ALG9: variants seen among roughly 807,000 people sequenced by gnomAD.
The protein encoded by ALG9 is ALG9 alpha-1,2-mannosyltransferase.
Under a neutral mutation model 81.8 loss-of-function variants are expected in ALG9, and 55 were observed. That is an observed-to-expected ratio of 0.67 (90% confidence interval 0.54 to 0.84). The LOEUF (loss-of-function observed/expected upper bound fraction) is 0.84. Ranked by LOEUF, ALG9 falls within the 40% of genes least tolerant of loss-of-function variation. The probability of loss-of-function intolerance (pLI) is 0.00; values close to 1 mark genes in which losing one functional copy is unlikely to be tolerated. For synonymous variants in ALG9, 278 were observed against 274.3 expected, an observed-to-expected ratio of 1.01 and a Z score of -0.13; for missense variants, 629 against 745.0, an observed-to-expected ratio of 0.84 and a Z score of 1.81.
Position 111,837,610 on chromosome 11 carries a change from G to T in ALG9, c.1330C>A (p.His444Asn), listed in dbSNP as rs746575094. Reference sequence around the variant, plus strand: ...TCTGGATACAAATCAAGGGGCCCGTGATATCCTGGAAGGGAGAACAGTTAG... The same window carrying T: ...TCTGGATACAAATCAAGGGGCCCGTTATATCCTGGAAGGGAGAACAGTTAG... ...SRSVALFRGYHGPLDLYPEFY... is the reference protein window; with the variant it reads ...SRSVALFRGYNGPLDLYPEFY... Residue 444 changes from histidine to asparagine, a missense_variant, in exon 12 of 15, where the codon CAC (histidine) becomes AAC (asparagine). His to Asn is a moderately conservative substitution (Grantham distance 68). This residue lies in a region of ALG9 where 264 missense variants were observed against 302.2 expected (regional missense o/e 0.87). Transcript: ENST00000616540. The T allele has an allele frequency of 1.9e-6, 3 of 1,614,012 alleles. No homozygotes were observed. Among genetic ancestry groups the T allele is most frequent in the Non-Finnish European group, 2.5e-6 (3 of 1,179,920 alleles).
intron 6 of ALG9, among the ~76,000 whole-genome samples, chr11:111,854,058 T>C (rs1958264531): frequency 6.6e-6 from 1 of 151,798 alleles, no homozygotes; most frequent in African/African-American, 2.4e-5. Context: ...CACCCTTCCA[T>C]GATTTACTAG....
intron 6 of ALG9, among the ~76,000 whole-genome samples, chr11:111,855,689 T>C (rs782319464): frequency 2.0e-5 from 3 of 152,082 alleles, no homozygotes; most frequent in Non-Finnish European, 4.4e-5. Flanking sequence ...ACTAAGCAGC[T>C]GGGAATATAT....
At chr11:111,841,550 G>C (rs781803104) in intron 9 of ALG9, among the ~76,000 whole-genome samples, 3 of 152,204 alleles carry the variant, frequency 2.0e-5, no homozygotes, top group Non-Finnish European at 2.9e-5. Context: ...TGAGAAATGA[G>C]AGATAAGCCT....
chr11:111,841,578 C>G (rs1379074305), intron 9 of ALG9, among the ~76,000 whole-genome samples: 1 of 152,240 alleles, frequency 6.6e-6, no homozygotes, highest in African/African-American at 2.4e-5. Flanking sequence ...ACAGTGAAGG[C>G]ATCTCCTACT....
intron 8 of ALG9, among the ~76,000 whole-genome samples, chr11:111,852,319 CAA>C (rs782786098): frequency 1.3e-5 from 2 of 152,138 alleles, no homozygotes; most frequent in African/African-American, 4.8e-5. Flanking sequence ...TGATTTGATC[CAA>C]AAGATCTCTA....
chr11:111,789,997 C>G (rs769569803), intron 14 of ALG9, among the ~76,000 whole-genome samples: 3 of 151,480 alleles, frequency 2.0e-5, no homozygotes, highest in Non-Finnish European at 2.9e-5. Context: ...ATTTCCTGAT[C>G]ACTAGGTGTG....
rs138113139 is a variant in ALG9, at chr11:111,792,190, C to T, written c.1734-5670G>A. On this transcript the variant is annotated intron_variant, in intron 14 of 14. Coordinates refer to ENST00000616540, the MANE Select transcript of ALG9 (RefSeq NM_024740.2). ...CAGTGCACCTGTGTGTTTCTTCATTCTACAATTCACAATTTGTATTATTTA... is the reference window on the plus strand; with the variant it reads ...CAGTGCACCTGTGTGTTTCTTCATTTTACAATTCACAATTTGTATTATTTA... 1.0e-3 allele frequency among the ~76,000 whole-genome samples: 155 copies of T among 152,320 alleles called. 1 individual carries two copies. Among genetic ancestry groups the T allele is most frequent in the Middle Eastern group, 3.4e-3 (1 of 294 alleles).
chr11:111,837,614 T>C lies in ALG9; in HGVS notation c.1326A>G (p.Gly442=). 5 of 1,613,972 alleles carry C rather than the reference T, an allele frequency of 3.1e-6. No homozygotes were observed. Among genetic ancestry groups the C allele is most frequent in the Non-Finnish European group, 4.2e-6 (5 of 1,179,890 alleles). Residue 442 remains glycine (G), a splice_region_variant and synonymous_variant, in exon 12 of 15, where the codon GGA becomes GGG. Coordinates refer to ENST00000616540, the MANE Select transcript of ALG9 (RefSeq NM_024740.2). ...GATACAAATCAAGGGGCCCGTGATATCCTGGAAGGGAGAACAGTTAGTGAG... is the reference window on the plus strand; with the variant it reads ...GATACAAATCAAGGGGCCCGTGATACCCTGGAAGGGAGAACAGTTAGTGAG... ...SFSRSVALFR[G]YHGPLDLYPE...
chr11:111,856,194 T>A (rs1958639994), intron 6 of ALG9, among the ~76,000 whole-genome samples: 1 of 150,714 alleles, frequency 6.6e-6, no homozygotes, highest in Non-Finnish European at 1.5e-5. Context: ...GGAGAATTGC[T>A]TGAACCCGGG....
intron 13 of ALG9, among the ~76,000 whole-genome samples, chr11:111,817,008 A>T (rs552693635): frequency 2.6e-5 from 4 of 152,236 alleles, no homozygotes; most frequent in African/African-American, 9.6e-5. Flanking sequence ...GTTGGTAATA[A>T]AAGTTAAAGA....
intron 12 of ALG9, among the ~76,000 whole-genome samples, chr11:111,836,992 A>C (rs1230884939): frequency 2.6e-5 from 4 of 152,222 alleles, no homozygotes; most frequent in African/African-American, 9.7e-5. Context: ...TCAGAACCAC[A>C]GAAAGCATAA....
chr11:111,800,904 C>A (rs782577578), intron 14 of ALG9, among the ~76,000 whole-genome samples: 1 of 152,012 alleles, frequency 6.6e-6, no homozygotes, highest in Non-Finnish European at 1.5e-5. Context: ...CTGAGAAAAA[C>A]CATAAAAAAA....
intron 9 of ALG9, among the ~76,000 whole-genome samples, chr11:111,842,663 A>G (rs1555125096): frequency 6.6e-6 from 1 of 151,988 alleles, no homozygotes; most frequent in East Asian, 1.9e-4. Flanking sequence ...GGTTCAAGCA[A>G]TCCTCCCACC....
Position 111,840,790 on chromosome 11 carries a change from C to T in ALG9, c.1038G>A (p.Pro346=), listed in dbSNP as rs372262029. Residue 346 remains proline, a synonymous_variant, in exon 10 of 15, where the codon CCG becomes CCA. Coordinates refer to ENST00000616540, the MANE Select transcript of ALG9 (RefSeq NM_024740.2). Reference sequence around the variant, plus strand: ...ACATTGGAGCCAAGGTAAGCCAATACGGGTGGCCTAAATTCTGAACTGCAA... The same window carrying T: ...ACATTGGAGCCAAGGTAAGCCAATATGGGTGGCCTAAATTCTGAACTGCAA... The part of the protein sequence containing the change: ...QRFHVQNLGH[P]YWLTLAPMYI... 32 of 1,613,930 alleles carry T rather than the reference C, an allele frequency of 2.0e-5. No homozygotes were observed. The highest frequency in any genetic ancestry group is 1.8e-4 in the East Asian group (8 of 44,884).
intron 13 of ALG9, among the ~76,000 whole-genome samples, chr11:111,835,164 T>C (rs2136789127): frequency 6.6e-6 from 1 of 152,354 alleles, no homozygotes; most frequent in Non-Finnish European, 1.5e-5. Flanking sequence ...GTAAATTAAA[T>C]ATAGCTGACA....
In ALG9 at chr11:111,857,644, G is replaced by T. The variant is rs1555144361; in HGVS notation, c.659C>A (p.Ala220Glu). ...DKTSIAVLGVAAGAILGWPFS... is the reference protein window; with the variant it reads ...DKTSIAVLGVEAGAILGWPFS... ...TGGCCAGCCTAAGATAGCCCCAGCTGCTACTCCCAGCACAGCAATGGAAGT... is the reference window on the plus strand; with the variant it reads ...TGGCCAGCCTAAGATAGCCCCAGCTTCTACTCCCAGCACAGCAATGGAAGT... The change falls in exon 6 of 15, where the codon GCA (alanine) becomes GAA (glutamate). Residue 220 changes from alanine to glutamate, a missense_variant. Physicochemically the swap from Ala to Glu is moderately radical, Grantham distance 107 (BLOSUM62 -1). Transcript: ENST00000616540. 1.9e-6 allele frequency: 3 copies of T among 1,614,154 alleles called. No individual in the cohort carries two copies. Among genetic ancestry groups the T allele is most frequent in the Non-Finnish European group, 2.5e-6 (3 of 1,180,024 alleles).
intron 8 of ALG9, among the ~76,000 whole-genome samples, chr11:111,850,880 T>C (rs1555137343): frequency 6.6e-6 from 1 of 151,982 alleles, no homozygotes; most frequent in East Asian, 1.9e-4. Context: ...TTCAACAAAG[T>C]TTTTGCTACC....
Position 111,871,435 on chromosome 11 carries a change from G to T in ALG9, c.48C>A (p.Ser16Arg). 1 of 1,536,498 alleles carries T rather than the reference G, an allele frequency of 6.5e-7. No individual in the cohort carries two copies. Among genetic ancestry groups the T allele is most frequent in the South Asian group, 1.2e-5 (1 of 84,032 alleles). ...CCGCAGCCGGGGCCGTATCCCCACT[G>T]CTGGCCCCGCTGCCCTTCAGGCGCT... ...ARQRLKGSGA[S>R]SGDTAPAADK... Residue 16 changes from serine (S) to arginine (R), a missense_variant, in exon 1 of 15, where the codon AGC (serine) becomes AGA (arginine). By Grantham distance (110) the Ser-to-Arg change is moderately radical. Around this residue, in one of 3 missense-constraint regions of ALG9, gnomAD observed 344 missense variants for 390.5 expected, o/e 0.88. Transcript: ENST00000616540.
At chr11:111,811,331 T>C (rs1001063909) in intron 13 of ALG9, among the ~76,000 whole-genome samples, 1 of 151,994 alleles carries the variant, frequency 6.6e-6, no homozygotes, top group East Asian at 1.9e-4. Context: ...TCACCTGAGG[T>C]CAGGAGTTCA....
Sources: gnomAD v4.1 joint callset for allele counts (sites outside exome capture counted in the v4.1 genomes callset) on GRCh38, gnomAD v4.1.1 for gene constraint, gnomAD v4.1.1 regional missense constraint, MANE v1.5 for transcripts, NCBI Gene and HGNC (gene_info 2026-07-23, HGNC 2026-07-21) for gene names.